Variants in MRM3 observed in about 807,000 individuals in gnomAD.
MRM3 encodes the protein rRNA methyltransferase 3, mitochondrial.
MRM3 carries 26 observed loss-of-function variants against 29.4 expected under a neutral mutation model. The ratio of observed to expected loss-of-function variants is 0.89; its 90% CI spans 0.65 to 1.23. The LOEUF is 1.23. Among genes scored for constraint, MRM3 ranks in the 50% most tolerant of loss-of-function variants. MRM3 has a pLI of 0.00. For missense variants in MRM3, 578 were observed against 540.2 expected (o/e 1.07, Z -0.69); for synonymous variants, 225 against 219.0 (o/e 1.03, Z -0.24).
Position 792,121 on chromosome 17 carries a change from GCACA to G in MRM3, c.*54_*57del. 2.0e-6 allele frequency: 3 copies of G among 1,522,776 alleles called. No homozygotes were observed. Among genetic ancestry groups the G allele is most frequent in the Non-Finnish European group, 2.7e-6 (3 of 1,130,184 alleles). 94.3% of individuals were successfully genotyped at this position (1,522,776 alleles called of 1,614,324 possible). A position where few individuals can be genotyped will look rare whatever the true frequency, so the allele number is the denominator to read the frequency against. ...GACGTCTGCAGCTCCTCCTACACCA[GCACA>G]CTGGTGGGAGGCTGGCGGAGTCAGT... On this transcript the variant is annotated 3_prime_UTR_variant, in exon 4 of 4. Transcript: ENST00000304478.
intron 3 of MRM3, 50 bp from the exon 4 acceptor site, chr17:791,484 T>C: frequency 3.2e-6 from 5 of 1,568,214 alleles, no homozygotes; most frequent in Non-Finnish European, 4.3e-6. Context: ...CACAGTCCCC[T>C]GGTCTGGGAA....
chr17:784,121 C>T (rs924403821), intron 2 of MRM3, among the ~76,000 whole-genome samples: 2 of 152,128 alleles, frequency 1.3e-5, no homozygotes, highest in Non-Finnish European at 1.5e-5. Context: ...TATGTAACTC[C>T]GATGTTGATT....
chr17:783,556 C>A (rs1297435070), intron 2 of MRM3: 3 of 337,196 alleles, frequency 8.9e-6, no homozygotes, highest in African/African-American at 2.1e-5. Flanking sequence ...AGGCTGACGT[C>A]GAACTTGTGA....
chr17:788,394 C>T (rs1042166210), intron 3 of MRM3, among the ~76,000 whole-genome samples: 1 of 151,490 alleles, frequency 6.6e-6, no homozygotes, highest in Admixed American at 6.6e-5. Context: ...GTGAGCTCAT[C>T]ACTGCACTCC....
rs1371111689 is a variant in MRM3 at position 788,096 on chromosome 17, G to A, written c.691G>A (p.Ala231Thr). 1 of 1,614,048 alleles carries A rather than the reference G, an allele frequency of 6.2e-7. No homozygotes were observed. Among genetic ancestry groups the A allele is most frequent in the Non-Finnish European group, 8.5e-7 (1 of 1,180,038 alleles). The change falls in exon 3 of 4, where the codon GCT becomes ACT. Residue 231 changes from alanine (A) to threonine (T), a missense_variant. By Grantham distance (58) the Ala-to-Thr change is moderately conservative. Coordinates refer to ENST00000304478, the MANE Select transcript of MRM3 (RefSeq NM_018146.4). ...GNLGTILRSA[A>T]GAGCSKVLLT... Reference sequence around the variant, plus strand: ...CCTGGGGACAATTCTGAGATCTGCAGCTGGGGCAGGCTGCAGCAAAGTGTT... The same window carrying A: ...CCTGGGGACAATTCTGAGATCTGCAACTGGGGCAGGCTGCAGCAAAGTGTT...
At chr17:789,149 C>T (rs1910680738) in intron 3 of MRM3, among the ~76,000 whole-genome samples, 1 of 152,126 alleles carries the variant, frequency 6.6e-6, no homozygotes, top group Non-Finnish European at 1.5e-5. Context: ...TTAAAATTAT[C>T]ATGAAACCTG....
chr17:783,422 C>T, intron 2 of MRM3, 95 bp downstream of exon 2: 2 of 1,266,960 alleles, frequency 1.6e-6, no homozygotes, highest in Admixed American at 2.7e-5. Flanking sequence ...CTGCAACCTC[C>T]GCCTCTCGGG....
Position 792,003 on chromosome 17 carries a change from T to C in MRM3, c.1197T>C (p.Leu399=). ...CGGCCATGGCGGCAAGCATCCTGCT[T>C]TTCGAAGGGAAAAGACAGCTGCGGG... is the stretch of plus-strand genomic sequence containing the variant. ...LNSAMAASIL[L]FEGKRQLRGR... The change falls in exon 4 of 4, where the codon CTT becomes CTC. Residue 399 remains leucine (L), a synonymous_variant. Transcript: ENST00000304478. The C allele has an allele frequency of 6.2e-7, 1 of 1,613,858 alleles. No individual in the cohort carries two copies. The highest frequency in any genetic ancestry group is 8.5e-7 in the Non-Finnish European group (1 of 1,180,002).
chr17:791,098 C>CT (rs1401417063), intron 3 of MRM3, among the ~76,000 whole-genome samples: 1 of 152,182 alleles, frequency 6.6e-6, no homozygotes, highest in African/African-American at 2.4e-5. Flanking sequence ...CTGCCTGGGC[C>CT]TTTATCTCAG....
At chr17:786,308 C>A (rs968734281) in intron 2 of MRM3, among the ~76,000 whole-genome samples, 1 of 152,186 alleles carries the variant, frequency 6.6e-6, no homozygotes, top group Non-Finnish European at 1.5e-5. Flanking sequence ...AAGTCTCGAT[C>A]TGTCGCCCAG....
At position 791,743 on chromosome 17, in the gene MRM3, GTGA is replaced by G. The variant is rs1567801658; in HGVS notation, c.941_943del (p.Met314del). The G allele has an allele frequency of 2.5e-6, 4 of 1,614,226 alleles. No homozygotes were observed. The highest frequency in any genetic ancestry group is 1.1e-5 in the South Asian group (1 of 91,092). On this transcript the variant is annotated inframe_deletion, in exon 4 of 4. Coordinates refer to ENST00000304478, the MANE Select transcript of MRM3 (RefSeq NM_018146.4). ...CCATGGCTGGGTGTGTGATCAACGAGTGATGAAGTTTCACAAGTATGAGGAAGA... is the reference window on the plus strand; with the variant it reads ...CCATGGCTGGGTGTGTGATCAACGAGTGAAGTTTCACAAGTATGAGGAAGA...
Position 791,843 on chromosome 17 carries a change from G to A in MRM3, c.1037G>A (p.Trp346Ter). The change falls in exon 4 of 4, where the codon TGG becomes TAG. Residue 346 changes from tryptophan to a stop codon, truncating the protein, a stop_gained. Coordinates refer to ENST00000304478, the MANE Select transcript of MRM3 (RefSeq NM_018146.4). LOFTEE classifies it high-confidence loss of function. ...HVEVQSYDSD[W>*]TEAPAAVVIG... ...GAGGTTCAGAGTTACGACTCGGACT[G>A]GACAGAGGCGCCGGCAGCTGTGGTG... is the stretch of plus-strand genomic sequence containing the variant. 6.2e-7 allele frequency: 1 copy of A among 1,614,182 alleles called. No homozygotes were observed. Among genetic ancestry groups the A allele is most frequent in the Non-Finnish European group, 8.5e-7 (1 of 1,180,044 alleles).
In MRM3 at chr17:782,391, G is replaced by C; in HGVS notation, c.13G>C (p.Val5Leu). 1 of 1,613,740 alleles carries C rather than the reference G, an allele frequency of 6.2e-7. No individual in the cohort carries two copies. Among genetic ancestry groups the C allele is most frequent in the Non-Finnish European group, 8.5e-7 (1 of 1,179,906 alleles). MAAL[V>L]RPARFVVRPL... is the part of the protein sequence containing the mutation. ...GGTCTCAGGGAACATGGCGGCGCTG[G>C]TGAGACCCGCGAGGTTTGTCGTGCG... The change falls in exon 1 of 4, where the codon GTG (valine) becomes CTG (leucine). Residue 5 changes from valine (V) to leucine (L), a missense_variant. Val to Leu is a conservative substitution (Grantham distance 32, BLOSUM62 1). Coordinates refer to ENST00000304478, the MANE Select transcript of MRM3 (RefSeq NM_018146.4).
At chr17:786,019 G>GT (rs1420191446) in intron 2 of MRM3, among the ~76,000 whole-genome samples, 3 of 152,180 alleles carry the variant, frequency 2.0e-5, no homozygotes, top group Non-Finnish European at 4.4e-5. Flanking sequence ...ATGGCATGCT[G>GT]TTTTTTCTAT....
At chr17:785,908 CAA>C (rs1452875052) in intron 2 of MRM3, among the ~76,000 whole-genome samples, 1 of 152,122 alleles carries the variant, frequency 6.6e-6, no homozygotes, top group African/African-American at 2.4e-5. Flanking sequence ...GTTGTAGAAA[CAA>C]GACAGTTAAA....
At position 790,584 on chromosome 17, in the gene MRM3, G is replaced by C. The variant is rs1486526077; in HGVS notation, c.728-950G>C. ...CTGGCTCACCTCCTGTGCCGCCACA[G>C]CGCCACCGCTGATTGGCCGGCTCAC... is the stretch of plus-strand genomic sequence containing the variant. On this transcript the variant is annotated intron_variant, in intron 3 of 3. Transcript: ENST00000304478. 4.0e-3 allele frequency: 607 copies of C among 152,572 alleles called. 2 individuals are homozygous for C. The highest frequency in any genetic ancestry group is 0.011 in the Middle Eastern group (3 of 278). The allele number at this position is 152,572 out of a possible 1,614,324, so 9.5% of individuals were successfully genotyped here.
rs1267198575 is a variant in MRM3, at chr17:787,304, T to C, written c.560-661T>C. Among the ~76,000 whole-genome samples the C allele has an allele frequency of 6.6e-6, 1 of 152,208 alleles. No homozygotes were observed. Among genetic ancestry groups the C allele is most frequent in the Non-Finnish European group, 1.5e-5 (1 of 68,018 alleles). ...AAGGAAAAAAGTAGCTTCAAACATATTGACATGGTAAGTTCAAGATATATT... is the reference window on the plus strand; with the variant it reads ...AAGGAAAAAAGTAGCTTCAAACATACTGACATGGTAAGTTCAAGATATATT... On this transcript the variant is annotated intron_variant, in intron 2 of 3. Transcript: ENST00000304478. This position sits in a 1 kb window ranked among gnomAD's most constrained non-coding sequence, Gnocchi z 4.1.
At chr17:782,957 G>C in intron 1 of MRM3, 126 bp from the exon 2 acceptor site, 3 of 1,360,562 alleles carry the variant, frequency 2.2e-6, no homozygotes, top group Non-Finnish European at 3.0e-6. Flanking sequence ...CAATGTGCTG[G>C]GATTACAGGC....
At chr17:783,961 A>G (rs531171492) in intron 2 of MRM3, among the ~76,000 whole-genome samples, 2 of 152,322 alleles carry the variant, frequency 1.3e-5, no homozygotes, top group East Asian at 1.9e-4. Flanking sequence ...ACCTCTGCCA[A>G]TGTGGTGATA....
Sources: allele counts gnomAD v4.1 joint callset (sites outside exome capture counted in the v4.1 genomes callset), GRCh38; gene constraint gnomAD v4.1.1; non-coding constraint Gnocchi (gnomAD v3.1); transcripts MANE v1.5; gene names NCBI Gene and HGNC (gene_info 2026-07-23, HGNC 2026-07-21).